The following PDE7A variants were observed in gnomAD, a reference collection of about 807,000 sequenced individuals.
The protein encoded by PDE7A is high affinity 3',5'-cyclic-AMP phosphodiesterase 7A.
Under a neutral mutation model 64.3 loss-of-function variants are expected in PDE7A, and 39 were observed. That is an observed-to-expected ratio of 0.61 (90% CI 0.47 to 0.79). PDE7A has a LOEUF of 0.79. Among genes scored for constraint, PDE7A ranks in the 30% least tolerant of loss-of-function variants. The pLI is 0.00. For synonymous variants in PDE7A, 203 were observed against 206.8 expected, an observed-to-expected ratio of 0.98 and a Z score of 0.16; for missense variants, 470 against 582.8, an observed-to-expected ratio of 0.81 and a Z score of 1.99.
chr8:65,752,441 G>A (rs1808012023), intron 3 of PDE7A, among the ~76,000 whole-genome samples: 1 of 151,834 alleles, frequency 6.6e-6, no homozygotes, highest in Non-Finnish European at 1.5e-5. Flanking sequence ...GTCTTTCTTG[G>A]TTCTCCTTTT....
chr8:65,751,524 T>C (rs1384285380), intron 3 of PDE7A, among the ~76,000 whole-genome samples: 1 of 152,116 alleles, frequency 6.6e-6, no homozygotes, highest in Non-Finnish European at 1.5e-5. Flanking sequence ...CCATTCTTGT[T>C]GTTCATTCTT....
At chr8:65,826,342 G>A (rs371684966) in intron 1 of PDE7A, among the ~76,000 whole-genome samples, 1 of 152,204 alleles carries the variant, frequency 6.6e-6, no homozygotes, top group East Asian at 1.9e-4. Context: ...AATATGCTTT[G>A]AACTAGGTAG....
At chr8:65,797,386 T>C (rs1016464771) in intron 1 of PDE7A, among the ~76,000 whole-genome samples, 10 of 152,208 alleles carry the variant, frequency 6.6e-5, no homozygotes, top group Admixed American at 2.0e-4. Context: ...CATGTGAAGA[T>C]AGAGGCAGAG....
At chr8:65,820,919 T>C (rs967536204) in intron 1 of PDE7A, among the ~76,000 whole-genome samples, 3 of 152,178 alleles carry the variant, frequency 2.0e-5, no homozygotes, top group Non-Finnish European at 2.9e-5. Flanking sequence ...ACTGAGGATA[T>C]AAATAATAAA....
chr8:65,721,618 T>C (rs527368101), intron 12 of PDE7A, among the ~76,000 whole-genome samples: 128 of 152,310 alleles, frequency 8.4e-4, no homozygotes, highest in African/African-American at 3.0e-3. Flanking sequence ...TAGCTTGAGA[T>C]GAACAGTGAA....
intron 3 of PDE7A, among the ~76,000 whole-genome samples, chr8:65,774,547 C>G (rs1472668008): frequency 1.3e-5 from 2 of 151,746 alleles, no homozygotes; most frequent in Non-Finnish European, 2.9e-5. Flanking sequence ...ATTGACAACC[C>G]AAATAACTTT....
intron 1 of PDE7A, among the ~76,000 whole-genome samples, chr8:65,834,382 T>C (rs1289623712): frequency 1.3e-5 from 2 of 152,230 alleles, no homozygotes; most frequent in Non-Finnish European, 2.9e-5. Context: ...ATGTTATCAG[T>C]AAGGCTTCTC....
At chr8:65,754,198 C>T (rs1240417477) in intron 3 of PDE7A, among the ~76,000 whole-genome samples, 1 of 152,026 alleles carries the variant, frequency 6.6e-6, no homozygotes. Flanking sequence ...CCATGTTTTT[C>T]TGCTTGCTTT....
At chr8:65,768,835 G>T (rs769814119) in intron 3 of PDE7A, among the ~76,000 whole-genome samples, 2 of 152,052 alleles carry the variant, frequency 1.3e-5, no homozygotes, top group African/African-American at 2.4e-5. Context: ...TAGAATAATA[G>T]ATAATAAAAG....
At chr8:65,839,784 T>A (rs1811033273) in intron 1 of PDE7A, among the ~76,000 whole-genome samples, 1 of 152,224 alleles carries the variant, frequency 6.6e-6, no homozygotes, top group Non-Finnish European at 1.5e-5. Flanking sequence ...CTCTGTGGAT[T>A]AATTAAGACA....
chr8:65,750,687 T>C (rs141128366), intron 3 of PDE7A, among the ~76,000 whole-genome samples: 12 of 152,306 alleles, frequency 7.9e-5, no homozygotes, highest in African/African-American at 2.9e-4. Context: ...ATTGGTACTG[T>C]CTGGGAGCCA....
intron 3 of PDE7A, among the ~76,000 whole-genome samples, chr8:65,771,720 C>T (rs1809092349): frequency 6.6e-6 from 1 of 151,550 alleles, no homozygotes; most frequent in Non-Finnish European, 1.5e-5. Context: ...ACTAAAAATA[C>T]AAAGGTTAGC....
chr8:65,735,697 A>G (rs1179394216), intron 6 of PDE7A, among the ~76,000 whole-genome samples: 1 of 152,102 alleles, frequency 6.6e-6, no homozygotes, highest in African/African-American at 2.4e-5. Flanking sequence ...GATCTCAGCT[A>G]ACTGTGCAAC....
At chr8:65,788,873 ATGGCC>A in intron 1 of PDE7A, 1 of 1,572,050 alleles carries the variant, frequency 6.4e-7, no homozygotes, top group Non-Finnish European at 8.7e-7. Context: ...AAAAATAAAG[ATGGCC>A]TACCTTAGAG....
At chr8:65,757,662 A>G (rs1808300037) in intron 3 of PDE7A, among the ~76,000 whole-genome samples, 1 of 152,250 alleles carries the variant, frequency 6.6e-6, no homozygotes, top group East Asian at 1.9e-4. Flanking sequence ...TCTGTCGCCC[A>G]GGCTGAAGTG....
chr8:65,739,476 A>G (rs1408445229), intron 6 of PDE7A, 26 bp downstream of exon 6: 1 of 1,526,110 alleles, frequency 6.6e-7, no homozygotes, highest in Non-Finnish European at 8.7e-7. Context: ...AAATCTTGTT[A>G]CTGTTAATGG....
In PDE7A at chr8:65,717,294, C is replaced by T. The variant is rs1211390099; in HGVS notation, c.*1996G>A. On this transcript the variant is annotated 3_prime_UTR_variant, in exon 13 of 13. Coordinates refer to ENST00000401827, the MANE Select transcript of PDE7A (RefSeq NM_001242318.3). ...ACCTGGGAAGATATAGGGAATGGCA[C>T]AGTGGTACCTTGTTTACAACTGATA... 6.6e-6 allele frequency among the ~76,000 whole-genome samples: 1 copy of T among 152,228 alleles called. No homozygotes were observed. Among genetic ancestry groups the T allele is most frequent in the Non-Finnish European group, 1.5e-5 (1 of 68,050 alleles).
chr8:65,765,366 G>A (rs1160516853), intron 3 of PDE7A, among the ~76,000 whole-genome samples: 2 of 149,612 alleles, frequency 1.3e-5, no homozygotes, highest in Non-Finnish European at 3.0e-5. Context: ...GCGGGCGCCT[G>A]TAGTCCCAGC....
intron 7 of PDE7A, among the ~76,000 whole-genome samples, chr8:65,729,767 C>T (rs1418706913): frequency 2.0e-5 from 3 of 151,526 alleles, no homozygotes; most frequent in Non-Finnish European, 4.4e-5. Context: ...TGGGGTTTCA[C>T]CATGTTGGCC....
Sources: allele counts gnomAD v4.1 joint callset (sites outside exome capture counted in the v4.1 genomes callset), GRCh38; gene constraint gnomAD v4.1.1; transcripts MANE v1.5; gene names NCBI Gene and HGNC (gene_info 2026-07-23, HGNC 2026-07-21).